Variants in FRMD4A observed in about 807,000 individuals in gnomAD.
FRMD4A encodes the protein FERM domain-containing protein 4A.
Under a neutral mutation model 129.1 loss-of-function variants are expected in FRMD4A, and 29 were observed. That is an observed-to-expected ratio of 0.22 (90% CI 0.17 to 0.31). The LOEUF is 0.31. Ranked by LOEUF, FRMD4A falls within the 10% of genes least tolerant of loss-of-function variation. The probability of loss-of-function intolerance (pLI) is 1.00; values close to 1 mark genes in which losing one functional copy is unlikely to be tolerated. For synonymous variants in FRMD4A, 634 were observed against 571.6 expected, an observed-to-expected ratio of 1.11 and a Z score of -1.56; for missense variants, 1,272 against 1,375.8, an observed-to-expected ratio of 0.92 and a Z score of 1.19.
At chr10:13,839,614 A>G (rs1017431662) in intron 3 of FRMD4A, among the ~76,000 whole-genome samples, 15 of 152,194 alleles carry the variant, frequency 9.9e-5, no homozygotes, top group African/African-American at 3.4e-4. Context: ...CTTAAGACAC[A>G]TGGACTTTTC....
intron 2 of FRMD4A, chr10:14,008,544 G>A (rs1480147080): frequency 1.0e-6 from 1 of 984,610 alleles, no homozygotes; most frequent in African/African-American, 1.7e-5. Context: ...TGGTAATCAG[G>A]TCAGTTGTCT....
chr10:13,660,195 C>A (rs1057165518), intron 20 of FRMD4A, 121 bp downstream of exon 20: 2 of 680,722 alleles, frequency 2.9e-6, no homozygotes, highest in East Asian at 5.2e-5. Flanking sequence ...AAGGCAAACC[C>A]CACGGGGAGG....
chr10:13,900,467 C>T (rs1426952962), intron 2 of FRMD4A, among the ~76,000 whole-genome samples: 2 of 152,160 alleles, frequency 1.3e-5, no homozygotes, highest in Admixed American at 6.5e-5. Flanking sequence ...AATTAAAGTA[C>T]CTTGGAGCCC....
chr10:14,033,487 T>C (rs1055360074), intron 2 of FRMD4A, among the ~76,000 whole-genome samples: 2 of 151,916 alleles, frequency 1.3e-5, no homozygotes, highest in African/African-American at 4.8e-5. Context: ...GCTGATTGGA[T>C]AAAGAAAATG....
At chr10:13,696,819 T>C (rs1393892973) in intron 14 of FRMD4A, among the ~76,000 whole-genome samples, 2 of 152,178 alleles carry the variant, frequency 1.3e-5, no homozygotes, top group African/African-American at 4.8e-5. Flanking sequence ...CCCTTCACCT[T>C]CCTGATTCTC....
At chr10:13,795,221 G>C (rs529254752) in intron 5 of FRMD4A, among the ~76,000 whole-genome samples, 177 of 152,266 alleles carry the variant, frequency 1.2e-3, no homozygotes, top group Middle Eastern at 0.01. Context: ...CAGAGGAATT[G>C]TTACTATTTG....
intron 2 of FRMD4A, among the ~76,000 whole-genome samples, chr10:14,250,208 G>A (rs1464225345): frequency 6.6e-6 from 1 of 152,150 alleles, no homozygotes; most frequent in African/African-American, 2.4e-5. Context: ...TGCTCTGCCT[G>A]CCTCGGCCTC....
chr10:13,828,973 C>G (rs938279962), intron 3 of FRMD4A, among the ~76,000 whole-genome samples: 2 of 152,052 alleles, frequency 1.3e-5, no homozygotes, highest in African/African-American at 4.8e-5. Context: ...GAGTAGATAC[C>G]CAGTAATGGG....
chr10:14,287,398 G>A (rs1467796246), intron 2 of FRMD4A, among the ~76,000 whole-genome samples: 1 of 152,168 alleles, frequency 6.6e-6, no homozygotes, highest in Non-Finnish European at 1.5e-5. Flanking sequence ...TTTACAGTTA[G>A]TAGTTACAGA....
intron 2 of FRMD4A, among the ~76,000 whole-genome samples, chr10:13,949,130 C>T (rs765349463): frequency 2.6e-5 from 4 of 151,608 alleles, no homozygotes; most frequent in African/African-American, 4.8e-5. Flanking sequence ...CAACACATGC[C>T]AATGGATGGT....
intron 2 of FRMD4A, among the ~76,000 whole-genome samples, chr10:14,112,716 G>A (rs1227560078): frequency 1.3e-5 from 2 of 152,110 alleles, no homozygotes; most frequent in African/African-American, 4.8e-5. Context: ...GGTACGGACG[G>A]GGTTTCATCA....
chr10:13,770,654 G>T (rs923889816), intron 6 of FRMD4A, among the ~76,000 whole-genome samples: 7 of 151,942 alleles, frequency 4.6e-5, no homozygotes, highest in African/African-American at 1.7e-4. Flanking sequence ...ATGTTTCTCA[G>T]GTTGGTCTTG....
chr10:14,281,839 A>T (rs1461653074), intron 2 of FRMD4A, among the ~76,000 whole-genome samples: 1 of 152,212 alleles, frequency 6.6e-6, no homozygotes, highest in Non-Finnish European at 1.5e-5. Flanking sequence ...AAACTCAAAC[A>T]GGGATGTGTA....
At chr10:14,242,083 T>C (rs1338165128) in intron 2 of FRMD4A, among the ~76,000 whole-genome samples, 2 of 152,182 alleles carry the variant, frequency 1.3e-5, no homozygotes, top group Non-Finnish European at 2.9e-5. Flanking sequence ...GAGGTACTTG[T>C]ACCTATTGTC....
At chr10:13,961,714 C>A (rs554934210) in intron 2 of FRMD4A, among the ~76,000 whole-genome samples, 2 of 152,296 alleles carry the variant, frequency 1.3e-5, no homozygotes, top group East Asian at 3.9e-4. Context: ...TTACCAGGTG[C>A]CTTGTCCTCA....
intron 2 of FRMD4A, among the ~76,000 whole-genome samples, chr10:14,032,093 A>G (rs1833274697): frequency 6.6e-6 from 1 of 152,124 alleles, no homozygotes; most frequent in Non-Finnish European, 1.5e-5. Flanking sequence ...CACGCATTCT[A>G]CCACTGCTGG....
At chr10:14,185,532 T>C (rs1293340968) in intron 2 of FRMD4A, among the ~76,000 whole-genome samples, 3 of 152,218 alleles carry the variant, frequency 2.0e-5, no homozygotes, top group African/African-American at 4.8e-5. Flanking sequence ...TGTAGAACTA[T>C]GGAAACTTGA....
intron 12 of FRMD4A, among the ~76,000 whole-genome samples, chr10:13,731,563 T>G (rs1441825809): frequency 6.7e-6 from 1 of 150,244 alleles, no homozygotes; most frequent in Non-Finnish European, 1.5e-5. Context: ...GCAGAAGAAT[T>G]GCTTGAACCG....
chr10:14,269,809 T>C (rs775024837), intron 2 of FRMD4A, among the ~76,000 whole-genome samples: 7 of 152,196 alleles, frequency 4.6e-5, no homozygotes, highest in African/African-American at 1.7e-4. Context: ...TAATTATTTA[T>C]TTTGAATCAC....
Sources: gnomAD v4.1 joint callset for allele counts (sites outside exome capture counted in the v4.1 genomes callset) on GRCh38, gnomAD v4.1.1 for gene constraint, MANE v1.5 for transcripts, NCBI Gene and HGNC (gene_info 2026-07-23, HGNC 2026-07-21) for gene names.